The following PRKCE variants were observed in gnomAD, a reference collection of about 807,000 sequenced individuals.
PRKCE encodes protein kinase C epsilon, also known as protein kinase C epsilon type.
Under a neutral mutation model 85.4 loss-of-function variants are expected in PRKCE, and 16 were observed. That is an observed-to-expected ratio of 0.19 (90% CI 0.13 to 0.28). The LOEUF is 0.28. Among genes scored for constraint, PRKCE ranks in the 10% least tolerant of loss-of-function variants. PRKCE has a pLI of 1.00. For synonymous variants in PRKCE, 388 were observed against 371.5 expected (o/e 1.04, Z -0.51); for missense variants, 573 against 975.2 (o/e 0.59, Z 5.49).
At chr2:46,046,823 T>C (rs1221585888) in intron 10 of PRKCE, among the ~76,000 whole-genome samples, 1 of 152,158 alleles carries the variant, frequency 6.6e-6, no homozygotes, top group Non-Finnish European at 1.5e-5. Context: ...ATAGCCAGGG[T>C]TCCCTTGGAT....
At chr2:45,820,754 T>C (rs572051399) in intron 1 of PRKCE, among the ~76,000 whole-genome samples, 19 of 152,262 alleles carry the variant, frequency 1.2e-4, no homozygotes, top group Middle Eastern at 3.4e-3. Context: ...AACTTTCTGT[T>C]TGGTGCATGG....
intron 1 of PRKCE, among the ~76,000 whole-genome samples, chr2:45,747,353 T>C (rs796358961): frequency 5.3e-5 from 8 of 152,334 alleles, no homozygotes; most frequent in African/African-American, 1.9e-4. Context: ...TATTAAACAC[T>C]AACTTCCCAT....
chr2:45,994,678 G>T (rs146106969), intron 6 of PRKCE, among the ~76,000 whole-genome samples: 1 of 152,134 alleles, frequency 6.6e-6, no homozygotes, highest in Non-Finnish European at 1.5e-5. Flanking sequence ...TAGTTTATCC[G>T]TTCACCTACT....
intron 1 of PRKCE, among the ~76,000 whole-genome samples, chr2:45,678,381 A>G (rs1676634996): frequency 6.6e-6 from 1 of 152,180 alleles, no homozygotes. Context: ...TTAGTGAGGG[A>G]TCAGGTTTAA....
intron 11 of PRKCE, among the ~76,000 whole-genome samples, chr2:46,106,769 C>T (rs1256505289): frequency 6.6e-6 from 1 of 152,222 alleles, no homozygotes; most frequent in Non-Finnish European, 1.5e-5. Flanking sequence ...TAAATGACCT[C>T]TTTAAAGGCC....
intron 10 of PRKCE, among the ~76,000 whole-genome samples, chr2:46,039,206 T>C (rs1231591986): frequency 1.3e-5 from 2 of 152,312 alleles, no homozygotes; most frequent in South Asian, 2.1e-4. Context: ...GTTAAGTCCT[T>C]TACATGACAC....
chr2:45,801,094 G>A (rs995683825), intron 1 of PRKCE, among the ~76,000 whole-genome samples: 4 of 152,160 alleles, frequency 2.6e-5, no homozygotes, highest in Non-Finnish European at 4.4e-5. Flanking sequence ...GCACTGGAGT[G>A]TTCTCGGGTG....
rs890826177 is a variant in PRKCE at position 45,905,917 on chromosome 2, C to T, written c.412+62854C>T. Among the ~76,000 whole-genome samples, 7 of 152,136 alleles carry T rather than the reference C, an allele frequency of 4.6e-5. No homozygotes were observed. Among genetic ancestry groups the T allele is most frequent in the Non-Finnish European group, 7.4e-5 (5 of 68,022 alleles). On this transcript the variant is annotated intron_variant, in intron 2 of 14. Coordinates refer to ENST00000306156, the MANE Select transcript of PRKCE (RefSeq NM_005400.3). This position sits in a 1 kb window ranked among gnomAD's most constrained non-coding sequence, Gnocchi z 4.4. ...CCCTGGGAGGAAGGATGTGCTTGTG[C>T]GGGGTATGGTGTCTGCCCACATGAA... is the stretch of plus-strand genomic sequence containing the variant.
At chr2:46,176,151 A>G (rs539487208) in intron 14 of PRKCE, among the ~76,000 whole-genome samples, 2 of 152,308 alleles carry the variant, frequency 1.3e-5, no homozygotes, top group African/African-American at 4.8e-5. Flanking sequence ...AAATAGCTCC[A>G]AAGTACAAAG....
chr2:45,711,101 G>A (rs551778485), intron 1 of PRKCE, among the ~76,000 whole-genome samples: 1 of 152,128 alleles, frequency 6.6e-6, no homozygotes, highest in African/African-American at 2.4e-5. Context: ...CTCAGAGCAC[G>A]AACTTTGCAG....
At chr2:46,062,576 A>G (rs1487298032) in intron 10 of PRKCE, among the ~76,000 whole-genome samples, 5 of 151,210 alleles carry the variant, frequency 3.3e-5, no homozygotes, top group South Asian at 4.2e-4. Flanking sequence ...TGCAGTAACA[A>G]TCTGCTTTCT....
intron 1 of PRKCE, among the ~76,000 whole-genome samples, chr2:45,750,849 C>T (rs940681633): frequency 6.6e-6 from 1 of 152,154 alleles, no homozygotes; most frequent in African/African-American, 2.4e-5. Context: ...CCACACCATT[C>T]ACTGGAGCAA....
chr2:46,023,923 A>G (rs1017527363), intron 10 of PRKCE, among the ~76,000 whole-genome samples: 3 of 152,206 alleles, frequency 2.0e-5, no homozygotes, highest in Non-Finnish European at 4.4e-5. Flanking sequence ...GCCAGGTTCA[A>G]CTTGGAGCAT....
At chr2:45,979,303 T>C (rs1702698931) in intron 4 of PRKCE, among the ~76,000 whole-genome samples, 1 of 152,178 alleles carries the variant, frequency 6.6e-6, no homozygotes, top group South Asian at 2.1e-4. Context: ...AATGAGACAT[T>C]CTGCTTCAGT....
At chr2:45,969,583 T>C (rs997725860) in intron 2 of PRKCE, among the ~76,000 whole-genome samples, 2 of 152,174 alleles carry the variant, frequency 1.3e-5, no homozygotes, top group Admixed American at 1.3e-4. Context: ...GTGGTTTCCC[T>C]CTTCTCTCCC....
At chr2:45,801,024 G>T (rs907472405) in intron 1 of PRKCE, among the ~76,000 whole-genome samples, 1 of 152,116 alleles carries the variant, frequency 6.6e-6, no homozygotes, top group Non-Finnish European at 1.5e-5. Flanking sequence ...AAGAATTAGT[G>T]GGGGGAAGGG....
At chr2:46,013,085 T>G (rs13004846) in intron 10 of PRKCE, among the ~76,000 whole-genome samples, 1 of 152,232 alleles carries the variant, frequency 6.6e-6, no homozygotes, top group Non-Finnish European at 1.5e-5. Flanking sequence ...CAGATGCATA[T>G]TCACTGAATT....
chr2:46,166,387 G>A (rs1357914062), intron 14 of PRKCE, among the ~76,000 whole-genome samples: 1 of 152,234 alleles, frequency 6.6e-6, no homozygotes, highest in Non-Finnish European at 1.5e-5. Context: ...CCTGGACTGT[G>A]TCCACCACAT....
chr2:45,904,513 G>C (rs1253717875), intron 2 of PRKCE, among the ~76,000 whole-genome samples: 1 of 152,156 alleles, frequency 6.6e-6, no homozygotes, highest in Non-Finnish European at 1.5e-5. Context: ...TGCTGGCTCT[G>C]GATGAGATGA....
Sources: gnomAD v4.1 joint callset for allele counts (sites outside exome capture counted in the v4.1 genomes callset) on GRCh38, gnomAD v4.1.1 for gene constraint, Gnocchi (gnomAD v3.1) non-coding constraint, MANE v1.5 for transcripts, NCBI Gene and HGNC (gene_info 2026-07-23, HGNC 2026-07-21) for gene names.